NUP160: variants seen among roughly 807,000 people sequenced by gnomAD.
NUP160 encodes the protein nuclear pore complex protein Nup160.
A neutral mutation model predicts 196.9 loss-of-function variants in NUP160; 94 were observed. The observed-to-expected ratio is 0.48, with a 90% confidence interval of 0.40 to 0.57. The LOEUF (loss-of-function observed/expected upper bound fraction) is 0.57. Ranked by LOEUF, NUP160 falls within the 20% of genes least tolerant of loss-of-function variation. The pLI is 0.00. For missense variants in NUP160, 1,638 were observed against 1,748.3 expected (o/e 0.94, Z 1.13); for synonymous variants, 605 against 619.7 (o/e 0.98, Z 0.35).
At chr11:47,796,152 TAA>T (rs35398008) in intron 27 of NUP160, 2,850 of 118,256 alleles carry the variant, frequency 0.024, no homozygotes, top group South Asian at 0.059. Context: ...AGACTTCATC[TAA>T]AAAAAAAAAA....
Position 47,829,481 on chromosome 11 carries a change from A to G in NUP160, c.1101+6170T>C, listed in dbSNP as rs149550934. Among the ~76,000 whole-genome samples, 802 of 152,068 alleles carry G rather than the reference A, an allele frequency of 5.3e-3. 11 individuals are homozygous for G. Among genetic ancestry groups the G allele is most frequent in the African/African-American group, 0.017 (718 of 41,480 alleles). On this transcript the variant is annotated intron_variant, in intron 7 of 35. Transcript: ENST00000378460. ...CCACCATGCCCGGCTAATTTTTTGT[A>G]TTTTTATTAGAGATGGGGTTTCACC...
At chr11:47,821,993 A>G in intron 8 of NUP160, 94 bp downstream of exon 8, 1 of 1,008,846 alleles carries the variant, frequency 9.9e-7, no homozygotes, top group Non-Finnish European at 1.5e-6. Context: ...AAATAATTCC[A>G]TTTTAAGACT....
At position 47,822,075 on chromosome 11, in the gene NUP160, G is replaced by C. The variant is rs372060209; in HGVS notation, c.1179+12C>G. On this transcript the variant is annotated intron_variant, in intron 8 of 35. Coordinates refer to ENST00000378460, the Ensembl canonical transcript of NUP160. ...TGTACTTATGTGATATGCAAAGGAT[G>C]AATCAACCTACCTGAGAAGTGAACA... is the stretch of plus-strand genomic sequence containing the variant. The C allele has an allele frequency of 3.8e-6, 6 of 1,566,096 alleles. No homozygotes were observed. The highest frequency in any genetic ancestry group is 1.1e-5 in the South Asian group (1 of 88,742).
In NUP160 at chr11:47,839,655, A is replaced by G. The variant is rs969951095; in HGVS notation, c.748+188T>C. On this transcript the variant is annotated intron_variant, in intron 4 of 35. Coordinates refer to ENST00000378460, the Ensembl canonical transcript of NUP160. ...TTGTCTATTTGTTTTTCCGTGCTCC[A>G]ATATGCTTTATAGTTCCTTATCCAC... 1.0e-5 allele frequency: 6 copies of G among 602,360 alleles called. No homozygotes were observed. The African/African-American group carries it at 1.1e-4, about 11-fold the overall frequency. 37.3% of individuals were successfully genotyped at this position (602,360 alleles called of 1,614,324 possible).
chr11:47,813,392 G>A (rs977438542), exon 14 of NUP160: 2 of 1,611,674 alleles, frequency 1.2e-6, no homozygotes, highest in Non-Finnish European at 1.7e-6. Flanking sequence ...CTAAGGATGA[G>A]GGAATAAGGA....
intron 18 of NUP160, 120 bp downstream of exon 18, chr11:47,808,276 C>CT (rs1365069074): frequency 1.1e-6 from 1 of 917,606 alleles, no homozygotes; most frequent in Non-Finnish European, 1.6e-6. Context: ...GAGCGAGACT[C>CT]TGTCTCAAAA....
intron 31 of NUP160, among the ~76,000 whole-genome samples, 180 bp downstream of exon 31, chr11:47,788,002 G>A (rs1427903274): frequency 1.3e-5 from 2 of 152,178 alleles, no homozygotes; most frequent in African/African-American, 4.8e-5. Flanking sequence ...GATTACAGGC[G>A]TGAGCCACTG....
At chr11:47,808,620 C>T in intron 17 of NUP160, 91 bp from the exon 18 acceptor site, 1 of 1,078,688 alleles carries the variant, frequency 9.3e-7, no homozygotes, top group Non-Finnish European at 1.3e-6. Flanking sequence ...AATAAAATAA[C>T]AAATACAAAG....
At chr11:47,813,755 G>A (rs1329820797) in intron 13 of NUP160, among the ~76,000 whole-genome samples, 4 of 151,740 alleles carry the variant, frequency 2.6e-5, no homozygotes, top group Non-Finnish European at 5.9e-5. Flanking sequence ...GAGCCTGGGA[G>A]GTTGAAGCTG....
At chr11:47,797,206 C>T (rs1272199389) in intron 27 of NUP160, among the ~76,000 whole-genome samples, 1 of 152,120 alleles carries the variant, frequency 6.6e-6, no homozygotes, top group East Asian at 1.9e-4. Context: ...CTCAAAAATT[C>T]ATGCTGTCTC....
rs1226609483 is a variant in NUP160, at chr11:47,806,493, T to C, written c.2447-181A>G. 5 of 529,840 alleles carry C rather than the reference T, an allele frequency of 9.4e-6. No individual in the cohort carries two copies. The East Asian group carries it at 1.5e-4, about 16-fold the overall frequency. The allele number at this position is 529,840 out of a possible 1,614,324, so 32.8% of individuals were successfully genotyped here. ...AAGTAGTCTGTAAATTGTGAGGCAC[T>C]ATAAAAATGCAATAAAAACACCATT... On this transcript the variant is annotated intron_variant, in intron 19 of 35. Coordinates refer to ENST00000378460, the Ensembl canonical transcript of NUP160.
At chr11:47,835,547 T>C in intron 7 of NUP160, 104 bp downstream of exon 7, 1 of 919,368 alleles carries the variant, frequency 1.1e-6, no homozygotes, top group East Asian at 2.9e-5. Context: ...CAGAAACACA[T>C]CTAGGTCGGT....
chr11:47,823,142 A>G (rs539603669), intron 7 of NUP160, among the ~76,000 whole-genome samples: 32 of 152,314 alleles, frequency 2.1e-4, no homozygotes, highest in Non-Finnish European at 4.0e-4. Context: ...CTGAAAGTAT[A>G]GTCTTCAAAA....
chr11:47,809,607 G>A (rs1378650345), intron 17 of NUP160, among the ~76,000 whole-genome samples: 1 of 151,928 alleles, frequency 6.6e-6, no homozygotes. Flanking sequence ...AAATTAGCTG[G>A]TGTAGTGGTG....
In NUP160 at chr11:47,806,158, CTGCAATAAATAACTGGTAAT is replaced by C; in HGVS notation, c.2581_2600del (p.Ile861AlafsTer5). 6.2e-7 allele frequency: 1 copy of C among 1,613,980 alleles called. No homozygotes were observed. Among genetic ancestry groups the C allele is most frequent in the Non-Finnish European group, 8.5e-7 (1 of 1,179,920 alleles). Reference sequence around the variant, plus strand: ...GCTTCTAAATAAAAGGATACAAAAGCTGCAATAAATAACTGGTAATTGCAGTAATCATTTCAGGCCAATTC... The same window carrying C: ...GCTTCTAAATAAAAGGATACAAAAGCTGCAGTAATCATTTCAGGCCAATTC... On this transcript the variant is annotated frameshift_variant, in exon 20 of 36. Coordinates refer to ENST00000378460, the Ensembl canonical transcript of NUP160. LOFTEE classifies it high-confidence loss of function.
At chr11:47,811,396 C>T (rs1373601437) in intron 17 of NUP160, among the ~76,000 whole-genome samples, 2 of 151,464 alleles carry the variant, frequency 1.3e-5, no homozygotes, top group South Asian at 2.1e-4. Context: ...GTAATCCCAG[C>T]TACTCAGGAG....
chr11:47,832,093 A>G (rs1284508401), intron 7 of NUP160, among the ~76,000 whole-genome samples: 2 of 151,446 alleles, frequency 1.3e-5, no homozygotes, highest in African/African-American at 4.9e-5. Flanking sequence ...GTAGAGAAGG[A>G]GTTTCACCAT....
At chr11:47,795,547 T>C (rs1385486225) in intron 27 of NUP160, among the ~76,000 whole-genome samples, 1 of 152,086 alleles carries the variant, frequency 6.6e-6, no homozygotes, top group Non-Finnish European at 1.5e-5. Flanking sequence ...CCAAAGAAAA[T>C]TCTAAGTAAA....
chr11:47,795,947 T>A (rs1469706119), intron 27 of NUP160, among the ~76,000 whole-genome samples: 1 of 149,722 alleles, frequency 6.7e-6, no homozygotes, highest in Non-Finnish European at 1.5e-5. Flanking sequence ...AGGTCAGGAG[T>A]TCAAGACCAG....
Sources: gnomAD v4.1 joint callset for allele counts (sites outside exome capture counted in the v4.1 genomes callset) on GRCh38, gnomAD v4.1.1 for gene constraint, MANE v1.5 for transcripts, NCBI Gene and HGNC (gene_info 2026-07-23, HGNC 2026-07-21) for gene names.